Variants in ARHGEF10 observed in about 807,000 individuals in gnomAD.
ARHGEF10 encodes Rho guanine nucleotide exchange factor 10.
Under a neutral mutation model 147.4 loss-of-function variants are expected in ARHGEF10, and 140 were observed. The observed-to-expected ratio is 0.95, with a 90% CI of 0.83 to 1.09. The LOEUF (loss-of-function observed/expected upper bound fraction) is 1.09. ARHGEF10 is among the 50% of genes least tolerant of loss of function. ARHGEF10 has a pLI of 0.00. For missense variants in ARHGEF10, 2,222 were observed against 1,752.7 expected, an observed-to-expected ratio of 1.27 and a Z score of -4.78; for synonymous variants, 902 against 695.8, an observed-to-expected ratio of 1.30 and a Z score of -4.67.
At chr8:1,893,542 A>C (rs765599886) in intron 11 of ARHGEF10, 27 bp from the exon 12 acceptor site, 3 of 1,532,954 alleles carry the variant, frequency 2.0e-6, no homozygotes, top group Non-Finnish European at 2.7e-6. Flanking sequence ...GCAGTTTTCT[A>C]TCATTGTACT....
rs1428554971 is a variant in ARHGEF10 at position 1,864,455 on chromosome 8, C to G, written c.545+19C>G. 6.2e-7 allele frequency: 1 copy of G among 1,610,892 alleles called. No homozygotes were observed. On this transcript the variant is annotated intron_variant, in intron 5 of 28. Transcript: ENST00000349830. The stretch of plus-strand genomic sequence containing the variant: ...CAACCAGGTATCTGCATCCGTCTTC[C>G]CACACCTGCTGAATTCCCGCCTTTC...
At chr8:1,864,301 G>T in intron 4 of ARHGEF10, 72 bp from the exon 5 acceptor site, 1 of 1,457,056 alleles carries the variant, frequency 6.9e-7, no homozygotes, top group South Asian at 1.1e-5. Context: ...CCATTTTTAA[G>T]GGTAAAAACA....
At chr8:1,914,826 A>G (rs554285896) in intron 18 of ARHGEF10, among the ~76,000 whole-genome samples, 25 of 152,332 alleles carry the variant, frequency 1.6e-4, no homozygotes, top group African/African-American at 5.5e-4. Flanking sequence ...AAGTGTCATT[A>G]TAACCCTTGA....
intron 7 of ARHGEF10, 90 bp from the exon 8 acceptor site, chr8:1,876,481 C>G: frequency 3.0e-6 from 4 of 1,329,918 alleles, no homozygotes; most frequent in Non-Finnish European, 3.3e-6. Context: ...ACCCCCAGCT[C>G]TAGATGATTT....
intron 1 of ARHGEF10, 107 bp from the exon 2 acceptor site, chr8:1,843,246 A>G (rs1408385303): frequency 1.3e-6 from 1 of 770,488 alleles, no homozygotes; most frequent in East Asian, 2.7e-5. Flanking sequence ...GCTAGTAATG[A>G]CAGTTAGCTC....
chr8:1,831,330 AGAGGGACAGTGTGACGGCCATG>A (rs1803088304), intron 1 of ARHGEF10, among the ~76,000 whole-genome samples: 3 of 130,288 alleles, frequency 2.3e-5, no homozygotes, highest in Admixed American at 7.7e-5. Flanking sequence ...TGGCAGCCAT[AGAGGGACAGTGTGACGGCCATG>A]GAGGGACAGT....
intron 27 of ARHGEF10, among the ~76,000 whole-genome samples, chr8:1,947,427 G>C (rs188365377): frequency 6.6e-6 from 1 of 152,288 alleles, no homozygotes; most frequent in African/African-American, 2.4e-5. Context: ...ATCCCTCTCC[G>C]GGTGGGATCA....
chr8:1,920,425 C>T (rs118064705), intron 18 of ARHGEF10, among the ~76,000 whole-genome samples: 566 of 151,690 alleles, frequency 3.7e-3, no homozygotes, highest in African/African-American at 0.012. Context: ...TTGGCTCGAG[C>T]GATCTTCCTA....
intron 15 of ARHGEF10, among the ~76,000 whole-genome samples, chr8:1,900,355 T>C (rs1413875529): frequency 1.3e-5 from 2 of 151,660 alleles, no homozygotes; most frequent in African/African-American, 4.9e-5. Context: ...CCTGGGGAGG[T>C]CGTTGTCCCT....
Position 1,880,487 on chromosome 8 carries a change from G to A in ARHGEF10, c.960+323G>A, listed in dbSNP as rs11996044. Among the ~76,000 whole-genome samples the A allele has an allele frequency of 9.6e-3, 1,455 of 152,254 alleles. 17 individuals are homozygous for A. Among genetic ancestry groups the A allele is most frequent in the African/African-American group, 0.033 (1,356 of 41,530 alleles). On this transcript the variant is annotated intron_variant, in intron 9 of 28. Transcript: ENST00000349830. Reference sequence around the variant, plus strand: ...CTTTCTGTTTGTTTTGGAAAATACAGCAATTTTTCATCAATGTTATTTAAG... The same window carrying A: ...CTTTCTGTTTGTTTTGGAAAATACAACAATTTTTCATCAATGTTATTTAAG...
intron 27 of ARHGEF10, among the ~76,000 whole-genome samples, chr8:1,952,391 C>A (rs949685116): frequency 1.3e-5 from 2 of 152,242 alleles, no homozygotes; most frequent in Non-Finnish European, 2.9e-5. Context: ...AAGGTTTAGA[C>A]AGATTCATCC....
intron 2 of ARHGEF10, among the ~76,000 whole-genome samples, chr8:1,856,964 T>C (rs1805599276): frequency 6.6e-6 from 1 of 152,146 alleles, no homozygotes; most frequent in Admixed American, 6.5e-5. Flanking sequence ...ACCTGTCTGC[T>C]CTGATGGTGG....
intron 11 of ARHGEF10, among the ~76,000 whole-genome samples, chr8:1,888,622 AG>A (rs1196980658): frequency 6.8e-5 from 9 of 131,768 alleles, no homozygotes; most frequent in Admixed American, 2.9e-4. Flanking sequence ...GAGGTTTGTG[AG>A]GAAACACAGA....
rs1585338206 is a variant in ARHGEF10, at chr8:1,872,360, C to T, written c.679+3110C>T. Among the ~76,000 whole-genome samples the T allele has an allele frequency of 1.3e-5, 2 of 152,132 alleles. 1 individual carries two copies. Among genetic ancestry groups the T allele is most frequent in the African/African-American group, 4.8e-5 (2 of 41,414 alleles). On this transcript the variant is annotated intron_variant, in intron 7 of 28. Transcript: ENST00000349830. Reference sequence around the variant, plus strand: ...TCAGGGAGCGGACAAACCCCTCAGTCGCATGCACTGTTCCAGTGAATAGCA... The same window carrying T: ...TCAGGGAGCGGACAAACCCCTCAGTTGCATGCACTGTTCCAGTGAATAGCA...
At chr8:1,908,702 T>C (rs1259912666) in intron 17 of ARHGEF10, among the ~76,000 whole-genome samples, 2 of 151,196 alleles carry the variant, frequency 1.3e-5, no homozygotes, top group Non-Finnish European at 2.9e-5. Context: ...GCAGGTCGTT[T>C]CCACTAGACT....
At chr8:1,939,452 A>G (rs1224750705) in intron 26 of ARHGEF10, among the ~76,000 whole-genome samples, 1 of 152,096 alleles carries the variant, frequency 6.6e-6, no homozygotes, top group Non-Finnish European at 1.5e-5. Context: ...GTGCTGTGGG[A>G]GTTTTGGGGG....
intron 10 of ARHGEF10, 76 bp from the exon 11 acceptor site, chr8:1,885,525 T>G: frequency 1.3e-6 from 1 of 769,922 alleles, no homozygotes; most frequent in South Asian, 2.6e-5. Flanking sequence ...TTTATTTGAC[T>G]TTTTTTTACT....
rs890737596 is a variant in ARHGEF10 at position 1,923,043 on chromosome 8, C to T, written c.2223C>T (p.Ile741=). 10 of 1,613,196 alleles carry T rather than the reference C, an allele frequency of 6.2e-6. No homozygotes were observed. The highest frequency in any genetic ancestry group is 7.6e-6 in the Non-Finnish European group (9 of 1,179,614). ...ATGACTTAAATGTAATTGGCCAAAT[C>T]ACTCAGCTGATAGGAAACCTTAAAG... is the stretch of plus-strand genomic sequence containing the variant. ...LLHDLNVIGQ[I]TQLIGNLKGN... The change falls in exon 19 of 29, where the codon ATC becomes ATT. Residue 741 remains isoleucine (I), a synonymous_variant. Coordinates refer to ENST00000349830, the MANE Select transcript of ARHGEF10 (RefSeq NM_014629.4).
In ARHGEF10 at chr8:1,918,478, G is replaced by C. The variant is rs1811929710; in HGVS notation, c.2144-4486G>C. 5.3e-5 allele frequency among the ~76,000 whole-genome samples: 8 copies of C among 151,482 alleles called. No individual in the cohort carries two copies. The South Asian group carries it at 1.7e-3, about 32-fold the overall frequency. On this transcript the variant is annotated intron_variant, in intron 18 of 28. Transcript: ENST00000349830. ...TTGATGGCTGTGTGTGTGTGTGTGT[G>C]TGTGTGTGTGTGTGTGTGTGTGTGT...
Sources: gnomAD v4.1 joint callset for allele counts (sites outside exome capture counted in the v4.1 genomes callset) on GRCh38, gnomAD v4.1.1 for gene constraint, MANE v1.5 for transcripts, NCBI Gene and HGNC (gene_info 2026-07-23, HGNC 2026-07-21) for gene names.